Variants in BIN1 observed in about 807,000 individuals in gnomAD.
BIN1 encodes the protein myc box-dependent-interacting protein 1.
Under a neutral mutation model 82.0 loss-of-function variants are expected in BIN1, and 53 were observed. The observed-to-expected ratio is 0.65, with a 90% CI of 0.52 to 0.81. BIN1 has a LOEUF of 0.81. Ranked by LOEUF, BIN1 falls within the 40% of genes least tolerant of loss-of-function variation. BIN1 has a pLI of 0.00. For synonymous variants in BIN1, 302 were observed against 328.0 expected, an observed-to-expected ratio of 0.92 and a Z score of 0.86; for missense variants, 642 against 784.4, an observed-to-expected ratio of 0.82 and a Z score of 2.17.
chr2:127,086,411 G>A (rs1333606846), intron 1 of BIN1, among the ~76,000 whole-genome samples: 5 of 152,088 alleles, frequency 3.3e-5, no homozygotes, highest in East Asian at 3.9e-4. Flanking sequence ...GGATTAGAAC[G>A]CAAAGCTGAC....
chr2:127,089,632 C>T (rs142550117), intron 1 of BIN1, among the ~76,000 whole-genome samples: 2 of 152,226 alleles, frequency 1.3e-5, no homozygotes, highest in East Asian at 1.9e-4. Context: ...TATCACACCC[C>T]GGCCCCACCC....
chr2:127,080,414 A>T (rs1687143642), intron 1 of BIN1, among the ~76,000 whole-genome samples: 1 of 152,214 alleles, frequency 6.6e-6, no homozygotes, highest in South Asian at 2.1e-4. Flanking sequence ...GTTTTGAAGG[A>T]TGAGCAGGAG....
In BIN1 at chr2:127,106,846, T is replaced by C; in HGVS notation, c.84+14A>G. On this transcript the variant is annotated intron_variant, in intron 1 of 18. Transcript: ENST00000316724. ...GCTGGGACTCCGCGGCTGCTGGGGCTCCGGCTCGCTCACCTTCTCCTGCGC... is the reference window on the plus strand; with the variant it reads ...GCTGGGACTCCGCGGCTGCTGGGGCCCCGGCTCGCTCACCTTCTCCTGCGC... 2 of 1,591,686 alleles carry C rather than the reference T, an allele frequency of 1.3e-6. No homozygotes were observed. Among genetic ancestry groups the C allele is most frequent in the African/African-American group, 1.3e-5 (1 of 74,180 alleles).
intron 1 of BIN1, among the ~76,000 whole-genome samples, chr2:127,103,243 T>A (rs1680582098): frequency 6.6e-6 from 1 of 152,150 alleles, no homozygotes; most frequent in African/African-American, 2.4e-5. Flanking sequence ...CTGAGGTTGC[T>A]GCAAATATAA....
chr2:127,050,424 C>T lies in BIN1; in HGVS notation c.1671G>A (p.Glu557=). 6.2e-7 allele frequency: 1 copy of T among 1,614,142 alleles called. No homozygotes were observed. Among genetic ancestry groups the T allele is most frequent in the Non-Finnish European group, 8.5e-7 (1 of 1,180,016 alleles). The part of the protein sequence containing the change: ...VLVIPFQNPE[E]QDEGWLMGVK... ...GGCGGCCCCACCCAGCCCTCACCTGCTCTTCAGGGTTCTGGAAGGGGATCA... is the reference window on the plus strand; with the variant it reads ...GGCGGCCCCACCCAGCCCTCACCTGTTCTTCAGGGTTCTGGAAGGGGATCA... The change falls in exon 18 of 19, where the codon GAG becomes GAA. Residue 557 remains glutamate (E), a synonymous_variant. Transcript: ENST00000316724.
At chr2:127,051,056 C>T in intron 16 of BIN1, 98 bp downstream of exon 16, 1 of 1,551,370 alleles carries the variant, frequency 6.4e-7, no homozygotes, top group Non-Finnish European at 8.9e-7. Flanking sequence ...CAACAGGAGC[C>T]AGGCCTGGAC....
chr2:127,105,729 C>T (rs1490921526), intron 1 of BIN1, among the ~76,000 whole-genome samples: 1 of 152,192 alleles, frequency 6.6e-6, no homozygotes, highest in Non-Finnish European at 1.5e-5. Context: ...AAGCAAAAGT[C>T]ATTGTTTATA....
intron 8 of BIN1, 108 bp downstream of exon 8, chr2:127,063,825 A>ACTGGACACCGCAGCACGCAGG: frequency 1.4e-6 from 2 of 1,447,204 alleles, no homozygotes; most frequent in Non-Finnish European, 1.9e-6. Context: ...CAGCACGCAG[A>ACTGGACACCGCAGCACGCAGG]CTGGACACCG....
At chr2:127,101,004 G>GGGGGGGA in intron 1 of BIN1, among the ~76,000 whole-genome samples, 1 of 137,690 alleles carries the variant, frequency 7.3e-6, no homozygotes, top group South Asian at 2.6e-4. Context: ...ATGTGCGGGG[G>GGGGGGGA]GTGGGGATAG....
At chr2:127,064,414 G>A (rs2105012339) in intron 7 of BIN1, among the ~76,000 whole-genome samples, 1 of 152,270 alleles carries the variant, frequency 6.6e-6, no homozygotes. Flanking sequence ...CTCAGGCTAG[G>A]TGCCAGCCCT....
At chr2:127,053,638 G>A in intron 13 of BIN1, 193 bp from the exon 14 acceptor site, 1 of 796,228 alleles carries the variant, frequency 1.3e-6, no homozygotes, top group Admixed American at 2.0e-5. Flanking sequence ...GGAGCTTCAA[G>A]ACCCCAAGCC....
At chr2:127,058,025 C>T (rs891103886) in intron 11 of BIN1, among the ~76,000 whole-genome samples, 3 of 152,136 alleles carry the variant, frequency 2.0e-5, no homozygotes, top group Non-Finnish European at 2.9e-5. Flanking sequence ...CCCACCTCTC[C>T]CTTCCCGCAG....
intron 1 of BIN1, among the ~76,000 whole-genome samples, chr2:127,091,337 T>G (rs1479318736): frequency 6.6e-6 from 1 of 152,204 alleles, no homozygotes; most frequent in Admixed American, 6.5e-5. Context: ...CACCCTGGCC[T>G]GTCCAGCATG....
intron 1 of BIN1, among the ~76,000 whole-genome samples, chr2:127,105,834 C>T (rs1681044517): frequency 6.6e-6 from 1 of 152,214 alleles, no homozygotes; most frequent in Non-Finnish European, 1.5e-5. Flanking sequence ...GGCCTGGCCG[C>T]GGGGCACTGG....
chr2:127,072,798 C>T (rs183074231), intron 2 of BIN1, among the ~76,000 whole-genome samples: 82 of 152,236 alleles, frequency 5.4e-4, no homozygotes, highest in East Asian at 2.7e-3. Context: ...ATCAGGGGGT[C>T]GGATGGAGAC....
intron 1 of BIN1, among the ~76,000 whole-genome samples, chr2:127,085,830 G>C (rs922890632): frequency 6.6e-6 from 1 of 152,196 alleles, no homozygotes; most frequent in Non-Finnish European, 1.5e-5. Context: ...TGTCCCCTGG[G>C]CTGGATATGA....
intron 2 of BIN1, among the ~76,000 whole-genome samples, chr2:127,074,030 G>A (rs899250909): frequency 2.0e-5 from 3 of 152,072 alleles, no homozygotes; most frequent in Admixed American, 2.0e-4. Flanking sequence ...CCCTCTCCTA[G>A]GGCCCCCCAC....
At chr2:127,063,183 T>G (rs967325744) in intron 9 of BIN1, among the ~76,000 whole-genome samples, 2 of 152,232 alleles carry the variant, frequency 1.3e-5, no homozygotes, top group African/African-American at 4.8e-5. Flanking sequence ...CTCAAAAGCA[T>G]GGGAGAAAAA....
intron 1 of BIN1, among the ~76,000 whole-genome samples, chr2:127,099,848 G>A (rs1680085298): frequency 6.7e-6 from 1 of 148,956 alleles, no homozygotes; most frequent in Non-Finnish European, 1.5e-5. Flanking sequence ...CTGTCGCCCA[G>A]GCCGGAGTGC....
Sources: gnomAD v4.1 joint callset for allele counts (sites outside exome capture counted in the v4.1 genomes callset) on GRCh38, gnomAD v4.1.1 for gene constraint, MANE v1.5 for transcripts, NCBI Gene and HGNC (gene_info 2026-07-23, HGNC 2026-07-21) for gene names.